Variants in GPC5 observed in about 807,000 individuals in gnomAD.
GPC5 encodes the protein glypican 5, also known as glypican-5.
A neutral mutation model predicts 53.9 loss-of-function variants in GPC5; 47 were observed. The observed-to-expected ratio is 0.87, with a 90% CI of 0.69 to 1.11. The LOEUF is 1.11. GPC5 is among the 50% of genes most tolerant of loss of function. The probability of loss-of-function intolerance (pLI) is 0.00; values close to 1 mark genes in which losing one functional copy is unlikely to be tolerated. For synonymous variants in GPC5, 286 were observed against 263.3 expected (o/e 1.09, Z -0.84); for missense variants, 748 against 713.1 (o/e 1.05, Z -0.56).
At chr13:92,496,639 C>T (rs142099836) in intron 7 of GPC5, among the ~76,000 whole-genome samples, 13 of 152,218 alleles carry the variant, frequency 8.5e-5, no homozygotes, top group East Asian at 5.8e-4. Flanking sequence ...TGTGGATTGA[C>T]GACCAAATTC....
intron 7 of GPC5, among the ~76,000 whole-genome samples, chr13:92,518,232 A>G (rs1880872930): frequency 6.6e-6 from 1 of 152,180 alleles, no homozygotes; most frequent in South Asian, 2.1e-4. Flanking sequence ...AACTTCCCCA[A>G]TCTAGCAAGG....
chr13:92,136,628 C>T (rs61182955), intron 6 of GPC5, among the ~76,000 whole-genome samples: 43,551 of 151,866 alleles, frequency 0.29, 6,559 homozygotes, highest in Non-Finnish European at 0.31. Flanking sequence ...TGTAAATGAT[C>T]GTAAGAGGAA....
intron 7 of GPC5, among the ~76,000 whole-genome samples, chr13:92,465,937 A>G (rs1375136299): frequency 6.6e-6 from 1 of 151,340 alleles, no homozygotes; most frequent in African/African-American, 2.4e-5. Context: ...AGAAAGCAGA[A>G]TGGTGGTTAC....
chr13:91,702,256 GTTGA>G (rs1480940586), intron 3 of GPC5, among the ~76,000 whole-genome samples: 2 of 152,068 alleles, frequency 1.3e-5, no homozygotes, highest in Admixed American at 1.3e-4. Context: ...TCTTCACTCT[GTTGA>G]TTGTTTCCTT....
At position 91,459,322 on chromosome 13, in the gene GPC5, A is replaced by G. The variant is rs1030673240; in HGVS notation, c.325+10400A>G. On this transcript the variant is annotated intron_variant, in intron 2 of 7. Coordinates refer to ENST00000377067, the MANE Select transcript of GPC5 (RefSeq NM_004466.6). ...AAAATAATAAAATGAAATAAAAAATAAAATAAGCACTCTATCTAGTTGTCT... is the reference window on the plus strand; with the variant it reads ...AAAATAATAAAATGAAATAAAAAATGAAATAAGCACTCTATCTAGTTGTCT... 2.4e-4 allele frequency among the ~76,000 whole-genome samples: 37 copies of G among 152,084 alleles called. 1 individual carries two copies. The highest frequency in any genetic ancestry group is 7.9e-4 in the Admixed American group (12 of 15,260).
At chr13:91,711,031 G>A (rs2036213982) in intron 3 of GPC5, among the ~76,000 whole-genome samples, 9 of 152,114 alleles carry the variant, frequency 5.9e-5, no homozygotes. Context: ...TCACCATTGT[G>A]GAAGACGGTG....
At chr13:91,745,339 A>G (rs2037025420) in intron 4 of GPC5, among the ~76,000 whole-genome samples, 1 of 152,114 alleles carries the variant, frequency 6.6e-6, no homozygotes, top group Non-Finnish European at 1.5e-5. Flanking sequence ...CTAATTGCAT[A>G]GATGGCTATG....
At chr13:92,649,378 T>G (rs1885882777) in intron 7 of GPC5, among the ~76,000 whole-genome samples, 1 of 152,146 alleles carries the variant, frequency 6.6e-6, no homozygotes, top group African/African-American at 2.4e-5. Flanking sequence ...TTATTCACAT[T>G]GCTTTGTTTA....
At chr13:92,462,720 T>TC (rs1878539870) in intron 7 of GPC5, among the ~76,000 whole-genome samples, 1 of 147,232 alleles carries the variant, frequency 6.8e-6, no homozygotes, top group Admixed American at 6.8e-5. Context: ...GTTCATGTCT[T>TC]TTTTTTTTTT....
chr13:91,693,950 G>C (rs1258296567), intron 3 of GPC5, 69 bp downstream of exon 3: 41 of 1,138,100 alleles, frequency 3.6e-5, no homozygotes, highest in Non-Finnish European at 4.9e-5. Context: ...TATACTTTAG[G>C]AAATAGTAGG....
chr13:91,565,668 T>C (rs7332431), intron 2 of GPC5, among the ~76,000 whole-genome samples: 1,874 of 152,354 alleles, frequency 0.012, 34 homozygotes, highest in African/African-American at 0.043. Flanking sequence ...GCTGAACAAA[T>C]GTAACCGACT....
chr13:92,069,370 A>T (rs1011791772), intron 6 of GPC5, among the ~76,000 whole-genome samples: 3 of 151,902 alleles, frequency 2.0e-5, no homozygotes, highest in African/African-American at 7.2e-5. Flanking sequence ...AGTTATGCCT[A>T]AAAATATCAC....
intron 7 of GPC5, among the ~76,000 whole-genome samples, chr13:92,332,220 T>C (rs2043292724): frequency 6.6e-6 from 1 of 152,146 alleles, no homozygotes. Flanking sequence ...ACTTCCTAGG[T>C]TAGGCAGGAT....
intron 7 of GPC5, among the ~76,000 whole-genome samples, chr13:92,638,941 C>A (rs919842924): frequency 6.6e-6 from 1 of 152,134 alleles, no homozygotes. Flanking sequence ...TTTGAAAAAT[C>A]ATTTTATAGT....
intron 5 of GPC5, among the ~76,000 whole-genome samples, chr13:91,869,693 G>A (rs2138927884): frequency 6.6e-6 from 1 of 152,198 alleles, no homozygotes; most frequent in African/African-American, 2.4e-5. Flanking sequence ...ACCTGGGACT[G>A]GTAGCACTTA....
intron 7 of GPC5, among the ~76,000 whole-genome samples, chr13:92,356,155 AATTT>A (rs1361231688): frequency 6.6e-6 from 1 of 152,166 alleles, no homozygotes; most frequent in Non-Finnish European, 1.5e-5. Context: ...TTAACAATTT[AATTT>A]ATTTGTTTGT....
intron 2 of GPC5, among the ~76,000 whole-genome samples, chr13:91,669,689 G>A (rs2035199364): frequency 6.6e-6 from 1 of 152,134 alleles, no homozygotes; most frequent in Admixed American, 6.5e-5. Flanking sequence ...GGTCAAAGAA[G>A]GAGGTTATTC....
At chr13:92,475,572 A>C (rs1879082210) in intron 7 of GPC5, among the ~76,000 whole-genome samples, 1 of 151,986 alleles carries the variant, frequency 6.6e-6, no homozygotes, top group South Asian at 2.1e-4. Context: ...GACTTTGCTG[A>C]AGTTGCTTAT....
intron 7 of GPC5, among the ~76,000 whole-genome samples, chr13:92,149,027 T>C (rs1436503184): frequency 6.6e-6 from 1 of 152,084 alleles, no homozygotes; most frequent in Non-Finnish European, 1.5e-5. Flanking sequence ...ACATAATCCA[T>C]GATCAAATTC....
Sources: gnomAD v4.1 joint callset for allele counts (sites outside exome capture counted in the v4.1 genomes callset) on GRCh38, gnomAD v4.1.1 for gene constraint, MANE v1.5 for transcripts, NCBI Gene and HGNC (gene_info 2026-07-23, HGNC 2026-07-21) for gene names.